SLC38A12: variants seen among roughly 807,000 people sequenced by gnomAD.
SLC38A12 encodes solute carrier family 38 member 12.
chr17:74,803,592 G>C, the SLC38A12 span, among the ~76,000 whole-genome samples: 1 of 152,166 alleles, frequency 6.6e-6, no homozygotes, highest in Non-Finnish European at 1.5e-5. Flanking sequence ...CCCCGAGCCC[G>C]AGGCCTAAGC....
At chr17:74,777,238 G>A in the SLC38A12 span, 8 of 1,448,844 alleles carry the variant, frequency 5.5e-6, no homozygotes, top group Middle Eastern at 4.4e-4. Flanking sequence ...CCATCAGATA[G>A]GTGAAGCCTG....
At chr17:74,803,494 G>C in the SLC38A12 span, among the ~76,000 whole-genome samples, 6 of 152,302 alleles carry the variant, frequency 3.9e-5, no homozygotes, top group African/African-American at 1.4e-4. Context: ...AGGGCTCAGT[G>C]GGGGAGTATC....
At chr17:74,823,151 C>T in the SLC38A12 span, among the ~76,000 whole-genome samples, 4 of 152,202 alleles carry the variant, frequency 2.6e-5, no homozygotes, top group Admixed American at 2.0e-4. Context: ...GCACCCCTTC[C>T]TCTCCCCTCT....
chr17:74,776,510 C>G, the SLC38A12 span: 1 of 152,262 alleles, frequency 6.6e-6, no homozygotes, highest in African/African-American at 2.4e-5. Context: ...GAAGCTGGTG[C>G]TGGACAGCTG....
the SLC38A12 span, among the ~76,000 whole-genome samples, chr17:74,813,707 G>T: frequency 2.0e-5 from 3 of 152,032 alleles, no homozygotes; most frequent in Non-Finnish European, 4.4e-5. Context: ...TGCCATGTTG[G>T]CCAGGCTAGT....
At chr17:74,838,107 G>C in the SLC38A12 span, 2 of 985,836 alleles carry the variant, frequency 2.0e-6, no homozygotes, top group South Asian at 4.7e-5. Context: ...AACTCGGGGA[G>C]CCCACGGGCT....
chr17:74,783,758 T>C, the SLC38A12 span, among the ~76,000 whole-genome samples: 1 of 133,700 alleles, frequency 7.5e-6, no homozygotes, highest in Admixed American at 8.4e-5. Context: ...TGAGACGGAG[T>C]CTCGCTCTGT....
At chr17:74,785,134 G>A in the SLC38A12 span, among the ~76,000 whole-genome samples, 1 of 152,270 alleles carries the variant, frequency 6.6e-6, no homozygotes, top group African/African-American at 2.4e-5. Context: ...CAGGTACCCC[G>A]CCTATGATGC....
the SLC38A12 span, chr17:74,819,626 G>A: frequency 1.2e-6 from 1 of 869,022 alleles, no homozygotes; most frequent in Non-Finnish European, 1.9e-6. Flanking sequence ...TGCCAGTCCA[G>A]GTGTGCCCAA....
chr17:74,793,094 C>G, the SLC38A12 span, among the ~76,000 whole-genome samples: 35 of 152,362 alleles, frequency 2.3e-4, no homozygotes, highest in South Asian at 5.2e-3. Context: ...ACAGACTAGA[C>G]TCTTAATTTG....
chr17:74,818,684 G>A, the SLC38A12 span, among the ~76,000 whole-genome samples: 3 of 152,208 alleles, frequency 2.0e-5, no homozygotes, highest in Non-Finnish European at 4.4e-5. Flanking sequence ...TCAGGCTTCC[G>A]AGCCGCCTGC....
chr17:74,812,832 C>G, the SLC38A12 span, among the ~76,000 whole-genome samples: 1 of 152,048 alleles, frequency 6.6e-6, no homozygotes, highest in South Asian at 2.1e-4. Flanking sequence ...CCATCAGCCC[C>G]CAGCCCTGGA....
chr17:74,812,636 T>G, the SLC38A12 span, among the ~76,000 whole-genome samples: 10 of 152,022 alleles, frequency 6.6e-5, no homozygotes, highest in Non-Finnish European at 1.3e-4. Flanking sequence ...AGCTCGGCTG[T>G]GCGATTTGTG....
the SLC38A12 span, among the ~76,000 whole-genome samples, chr17:74,793,430 C>G: frequency 6.6e-6 from 1 of 152,236 alleles, no homozygotes; most frequent in African/African-American, 2.4e-5. Flanking sequence ...GCCAGATTGT[C>G]ATCTTCACCC....
chr17:74,781,136 A>G, the SLC38A12 span, among the ~76,000 whole-genome samples: 5 of 152,190 alleles, frequency 3.3e-5, no homozygotes, highest in African/African-American at 1.2e-4. Flanking sequence ...CCATCATGAA[A>G]AAAGACCTGG....
the SLC38A12 span, among the ~76,000 whole-genome samples, chr17:74,832,074 C>CA: frequency 0.25 from 37,334 of 151,942 alleles, 4,975 homozygotes; most frequent in East Asian, 0.42. Flanking sequence ...AGGGGCCAGA[C>CA]AAGGGGGTGG....
At chr17:74,818,131 G>C in the SLC38A12 span, among the ~76,000 whole-genome samples, 1 of 152,334 alleles carries the variant, frequency 6.6e-6, no homozygotes, top group Non-Finnish European at 1.5e-5. Flanking sequence ...TGCTCCGCCA[G>C]AGTCAACGTT....
At chr17:74,839,041 G>C in the SLC38A12 span, 1 of 1,535,624 alleles carries the variant, frequency 6.5e-7, no homozygotes, top group African/African-American at 1.4e-5. Context: ...GTGCAGGCCA[G>C]GTCAAGGTGG....
chr17:74,814,813 A>G, the SLC38A12 span, among the ~76,000 whole-genome samples: 2 of 152,166 alleles, frequency 1.3e-5, no homozygotes, highest in Non-Finnish European at 2.9e-5. Context: ...ACAAACAAGG[A>G]TGCAGTCCTT....
Sources: gnomAD v4.1 joint callset for allele counts (sites outside exome capture counted in the v4.1 genomes callset) on GRCh38, gnomAD v4.1.1 for gene constraint, MANE v1.5 for transcripts, NCBI Gene and HGNC (gene_info 2026-07-23, HGNC 2026-07-21) for gene names.